The following TST variants were observed in gnomAD, a reference collection of about 807,000 sequenced individuals.
TST encodes epididymis secretory sperm binding protein.
TST carries 22 observed loss-of-function variants against 20.4 expected under a neutral mutation model. That is an observed-to-expected ratio of 1.08 (90% CI 0.77 to 1.54). The LOEUF is 1.54. TST is among the 40% of genes most tolerant of loss of function. The probability of loss-of-function intolerance (pLI) is 0.00; values close to 1 mark genes in which losing one functional copy is unlikely to be tolerated. For missense variants in TST, 392 were observed against 405.2 expected (o/e 0.97, Z 0.28); for synonymous variants, 187 against 173.8 (o/e 1.08, Z -0.60).
At position 37,018,700 on chromosome 22, in the gene TST, G is replaced by C; in HGVS notation, c.33C>G (p.Val11=). The C allele has an allele frequency of 6.6e-7, 1 of 1,524,252 alleles. No individual in the cohort carries two copies. Among genetic ancestry groups the C allele is most frequent in the Non-Finnish European group, 8.8e-7 (1 of 1,138,764 alleles). The allele number at this position is 1,524,252 out of a possible 1,614,324, so 94.4% of individuals were successfully genotyped here. MVHQVLYRAL[V]STKWLAESIR... Reference sequence around the variant, plus strand: ...TGGACTCCGCCAGCCACTTGGTGGAGACCAGCGCCCGGTAGAGCACCTGAT... The same window carrying C: ...TGGACTCCGCCAGCCACTTGGTGGACACCAGCGCCCGGTAGAGCACCTGAT... The change falls in exon 2 of 3, where the codon GTC becomes GTG. Residue 11 remains valine, a synonymous_variant. Coordinates refer to ENST00000249042, the MANE Select transcript of TST (RefSeq NM_003312.6).
Position 37,011,186 on chromosome 22 carries a change from A to G in TST, c.735T>C (p.Ile245=). The G allele has an allele frequency of 3.1e-6, 5 of 1,613,816 alleles. No homozygotes were observed. Among genetic ancestry groups the G allele is most frequent in the South Asian group, 1.1e-5 (1 of 91,080 alleles). The change falls in exon 3 of 3, where the codon ATT becomes ATC. Residue 245 remains isoleucine, a synonymous_variant. Transcript: ENST00000249042. Reference sequence around the variant, plus strand: ...CGGTGACTCCCTTGCGGCACGTGGCAATGAGAGGCTGCGAGAGATCCACCT... The same window carrying G: ...CGGTGACTCCCTTGCGGCACGTGGCGATGAGAGGCTGCGAGAGATCCACCT... ...TKKVDLSQPL[I]ATCRKGVTAC...
chr22:37,013,402 C>T (rs776331556), intron 2 of TST: 2 of 151,394 alleles, frequency 1.3e-5, no homozygotes, highest in Non-Finnish European at 2.9e-5. Context: ...ATTGCTTGAG[C>T]CCAGGAGTTG....
At chr22:37,011,609 T>C (rs923580310) in intron 2 of TST, among the ~76,000 whole-genome samples, 2 of 152,186 alleles carry the variant, frequency 1.3e-5, no homozygotes, top group African/African-American at 4.8e-5. Flanking sequence ...CACTAACCTT[T>C]ACCTTGGGCA....
chr22:37,017,023 GC>G (rs1047216905), intron 2 of TST, among the ~76,000 whole-genome samples: 49 of 152,204 alleles, frequency 3.2e-4, no homozygotes, highest in African/African-American at 1.1e-3. Flanking sequence ...AACAAGTCAG[GC>G]AAAATGTTGC....
Position 37,011,129 on chromosome 22 carries a change from G to A in TST, c.792C>T (p.Cys264=), listed in dbSNP as rs142340242. 564 of 1,613,734 alleles carry A rather than the reference G, an allele frequency of 3.5e-4. 3 individuals carry two copies. The African/African-American group carries it at 6.4e-3, about 18-fold the overall frequency. ...ACHVALAAYL[C]GKPDVAVYDG... is the part of the protein sequence containing the mutation. ...CGTACACGGCCACATCAGGCTTGCC[G>A]CAGAGGTAGGCAGCCAAGGCCACGT... is the stretch of plus-strand genomic sequence containing the variant. The change falls in exon 3 of 3, where the codon TGC becomes TGT. Residue 264 remains cysteine (C), a synonymous_variant. Transcript: ENST00000249042.
At position 37,018,220 on chromosome 22, in the gene TST, G is replaced by A. The variant is rs754507761; in HGVS notation, c.513C>T (p.Asn171=). 3.7e-6 allele frequency: 6 copies of A among 1,613,588 alleles called. No individual in the cohort carries two copies. The African/African-American group carries it at 4.0e-5, about 11-fold the overall frequency. The part of the protein sequence containing the change: ...LLKTYEQVLE[N]LESKRFQLVD... ...CCAGCTGGAACCTCTTAGATTCAAG[G>A]TTCTCCAGCACCTGCTCGTAGGTCT... The change falls in exon 2 of 3, where the codon AAC becomes AAT. Residue 171 remains asparagine, a synonymous_variant. Transcript: ENST00000249042.
chr22:37,019,997 C>T (rs1319390004), upstream of TST: 3 of 462,822 alleles, frequency 6.5e-6, no homozygotes, highest in Non-Finnish European at 1.0e-5. Flanking sequence ...GGAGAGAAGG[C>T]GCGCCGCTAC....
chr22:37,019,836 CATGGCG>C, upstream of TST: 2 of 1,213,654 alleles, frequency 1.6e-6, no homozygotes, highest in Non-Finnish European at 2.1e-6. Context: ...CCGCGGGGGC[CATGGCG>C]GAGCCAGGAA....
At chr22:37,018,992 G>C in intron 1 of TST, 1 of 408,248 alleles carries the variant, frequency 2.4e-6, no homozygotes, top group Non-Finnish European at 4.4e-6. Flanking sequence ...TGGGGCAAGA[G>C]TTTCCGAGGA....
Position 37,018,310 on chromosome 22 carries a change from CACCGGG to C in TST, c.417_422del (p.His139_Val141delinsGln), listed in dbSNP as rs1922778432. 6.2e-7 allele frequency: 1 copy of C among 1,614,026 alleles called. No individual in the cohort carries two copies. The highest frequency in any genetic ancestry group is 8.5e-7 in the Non-Finnish European group (1 of 1,180,026). On this transcript the variant is annotated inframe_deletion, in exon 2 of 3. Transcript: ENST00000249042. ...GTTCTGGGCGTGAGGGCTCGGATGT[CACCGGG>C]TGGCCCTCCTTCAGCCAGTTCCGGA... is the stretch of plus-strand genomic sequence containing the variant.
intron 2 of TST, 21 bp downstream of exon 2, chr22:37,018,117 A>C (rs1922758952): frequency 6.6e-7 from 1 of 1,515,106 alleles, no homozygotes; most frequent in African/African-American, 1.4e-5. Context: ...CCCAGGGACC[A>C]CCCAGCACTG....
chr22:37,011,996 G>A (rs1922496013), intron 2 of TST, among the ~76,000 whole-genome samples: 2 of 152,188 alleles, frequency 1.3e-5, no homozygotes, highest in Admixed American at 1.3e-4. Context: ...CAAGTGACCT[G>A]GTGTCAGATG....
At chr22:37,017,050 T>C (rs1385625670) in intron 2 of TST, among the ~76,000 whole-genome samples, 1 of 152,240 alleles carries the variant, frequency 6.6e-6, no homozygotes, top group African/African-American at 2.4e-5. Flanking sequence ...AGTTAGATTC[T>C]GTAGAGAAGG....
intron 2 of TST, among the ~76,000 whole-genome samples, chr22:37,017,666 G>C (rs1237869759): frequency 6.6e-6 from 1 of 152,202 alleles, no homozygotes; most frequent in Non-Finnish European, 1.5e-5. Context: ...AGGAGAGCTA[G>C]ATTTGGGGAG....
At chr22:37,015,873 C>G (rs138512717) in intron 2 of TST, among the ~76,000 whole-genome samples, 131 of 151,758 alleles carry the variant, frequency 8.6e-4, no homozygotes, top group African/African-American at 2.9e-3. Flanking sequence ...GGGGAAGTGC[C>G]ACACCCTCCA....
upstream of TST, chr22:37,019,845 G>T: frequency 8.2e-7 from 1 of 1,220,768 alleles, no homozygotes; most frequent in East Asian, 3.2e-5. Context: ...CCATGGCGGA[G>T]CCAGGAAGCC....
At chr22:37,014,110 C>T (rs988458004) in intron 2 of TST, among the ~76,000 whole-genome samples, 11 of 152,140 alleles carry the variant, frequency 7.2e-5, no homozygotes, top group African/African-American at 1.4e-4. Flanking sequence ...CGCCTGTAAT[C>T]CCAGTACTTT....
At position 37,010,996 on chromosome 22, in the gene TST, C is replaced by T. The variant is rs773304926; in HGVS notation, c.*31G>A. The T allele has an allele frequency of 3.8e-6, 6 of 1,582,242 alleles. No homozygotes were observed. The highest frequency in any genetic ancestry group is 2.3e-5 in the East Asian group (1 of 44,370). On this transcript the variant is annotated 3_prime_UTR_variant, in exon 3 of 3. Coordinates refer to ENST00000249042, the MANE Select transcript of TST (RefSeq NM_003312.6). Reference sequence around the variant, plus strand: ...TAAGTCATGGGGTCACTAAACCGGCCGCAGTTACAGTAAGCAGAAGAGGTC... The same window carrying T: ...TAAGTCATGGGGTCACTAAACCGGCTGCAGTTACAGTAAGCAGAAGAGGTC...
In TST at chr22:37,018,321, C is replaced by G; in HGVS notation, c.412G>C (p.Gly138Arg). ...NGGFRNWLKEGHPVTSEPSRP... is the reference protein window; with the variant it reads ...NGGFRNWLKERHPVTSEPSRP... ...GAGGGCTCGGATGTCACCGGGTGGC[C>G]CTCCTTCAGCCAGTTCCGGAAGCCA... is the stretch of plus-strand genomic sequence containing the variant. Residue 138 changes from glycine (G) to arginine (R), a missense_variant, in exon 2 of 3, where the codon GGC (glycine) becomes CGC (arginine). Physicochemically the swap from Gly to Arg is moderately radical, Grantham distance 125. Coordinates refer to ENST00000249042, the MANE Select transcript of TST (RefSeq NM_003312.6). The G allele has an allele frequency of 6.2e-7, 1 of 1,613,968 alleles. No individual in the cohort carries two copies. Among genetic ancestry groups the G allele is most frequent in the Non-Finnish European group, 8.5e-7 (1 of 1,180,022 alleles).
Sources: gnomAD v4.1 joint callset for allele counts (sites outside exome capture counted in the v4.1 genomes callset) on GRCh38, gnomAD v4.1.1 for gene constraint, MANE v1.5 for transcripts, NCBI Gene and HGNC (gene_info 2026-07-23, HGNC 2026-07-21) for gene names.